The following UBE3B variants were observed in gnomAD, a reference collection of about 807,000 sequenced individuals.
The protein encoded by UBE3B is ubiquitin protein ligase E3B, also known as ubiquitin-protein ligase E3B.
UBE3B carries 80 observed loss-of-function variants against 132.3 expected under a neutral mutation model. The ratio of observed to expected loss-of-function variants is 0.60; its 90% CI spans 0.50 to 0.73. The LOEUF (loss-of-function observed/expected upper bound fraction) is 0.73. Among genes scored for constraint, UBE3B ranks in the 30% least tolerant of loss-of-function variants. UBE3B has a pLI of 0.00. For synonymous variants in UBE3B, 487 were observed against 520.4 expected (o/e 0.94, Z 0.87); for missense variants, 1,196 against 1,362.5 (o/e 0.88, Z 1.92).
chr12:109,498,282 T>A lies in UBE3B; in HGVS notation c.869T>A (p.Phe290Tyr). Residue 290 changes from phenylalanine (F) to tyrosine (Y), a missense_variant, in exon 11 of 28, where the codon TTT becomes TAT. Coordinates refer to ENST00000342494, the MANE Select transcript of UBE3B (RefSeq NM_130466.4). ...GACATGCTTCGTAAATTCATCATAT[T>A]TTTAAGAGACCAAGATCGATGCCGT... Reference protein sequence around the residue: ...SHDMLRKFIIFLRDQDRCRDV... With the variant: ...SHDMLRKFIIYLRDQDRCRDV... 2 of 1,614,166 alleles carry A rather than the reference T, an allele frequency of 1.2e-6. No individual in the cohort carries two copies. The highest frequency in any genetic ancestry group is 1.7e-6 in the Non-Finnish European group (2 of 1,180,016).
intron 24 of UBE3B, 63 bp downstream of exon 24, chr12:109,526,479 G>C: frequency 1.3e-6 from 2 of 1,500,364 alleles, no homozygotes; most frequent in Non-Finnish European, 1.9e-6. Context: ...GGCTCTCTGC[G>C]CTTATGTTGA....
intron 18 of UBE3B, among the ~76,000 whole-genome samples, chr12:109,515,736 A>G (rs1295610898): frequency 6.6e-6 from 1 of 152,236 alleles, no homozygotes; most frequent in Non-Finnish European, 1.5e-5. Flanking sequence ...TTAAAAAAAC[A>G]GCTGTGGTTA....
chr12:109,517,366 C>A (rs1028260217), intron 19 of UBE3B, among the ~76,000 whole-genome samples: 1 of 152,202 alleles, frequency 6.6e-6, no homozygotes, highest in Non-Finnish European at 1.5e-5. Flanking sequence ...CAGAAACTTA[C>A]AAGATACCAC....
At position 109,511,226 on chromosome 12, in the gene UBE3B, TTCCAAGAACTCGACAGG is replaced by T. The variant is rs1880332181; in HGVS notation, c.1880_1896del (p.Phe627Ter). ...AAGGGATCTCAAACCTAGCGTGCTCTTCCAAGAACTCGACAGGGACAGAAAACGGGCACAGTTGATCC... is the reference window on the plus strand; with the variant it reads ...AAGGGATCTCAAACCTAGCGTGCTCTGACAGAAAACGGGCACAGTTGATCC... On this transcript the variant is annotated frameshift_variant, in exon 18 of 28. Transcript: ENST00000342494. LOFTEE classifies it high-confidence loss of function. 1 of 1,614,044 alleles carries T rather than the reference TTCCAAGAACTCGACAGG, an allele frequency of 6.2e-7. No individual in the cohort carries two copies. Among genetic ancestry groups the T allele is most frequent in the African/African-American group, 1.3e-5 (1 of 74,938 alleles).
chr12:109,512,930 CT>C (rs146793757), intron 18 of UBE3B, among the ~76,000 whole-genome samples: 2 of 152,222 alleles, frequency 1.3e-5, no homozygotes, highest in Non-Finnish European at 2.9e-5. Flanking sequence ...TGTGGCTTTA[CT>C]TTTCCAAAAG....
At chr12:109,500,626 G>A (rs1292506487) in intron 12 of UBE3B, among the ~76,000 whole-genome samples, 1 of 152,224 alleles carries the variant, frequency 6.6e-6, no homozygotes, top group Non-Finnish European at 1.5e-5. Flanking sequence ...GAGGCTGTGG[G>A]AGGTAAGTGA....
intron 7 of UBE3B, among the ~76,000 whole-genome samples, chr12:109,489,370 C>A (rs1230575671): frequency 6.6e-6 from 1 of 152,178 alleles, no homozygotes; most frequent in African/African-American, 2.4e-5. Context: ...TCTAGCTTTC[C>A]TGAAGAAGTG....
In UBE3B at chr12:109,534,096, G is replaced by A. The variant is rs537255279; in HGVS notation, c.3016-495G>A. 5.2e-5 allele frequency: 67 copies of A among 1,294,774 alleles called. No individual in the cohort carries two copies. Among genetic ancestry groups the A allele is most frequent in the African/African-American group, 1.8e-4 (12 of 66,236 alleles). The allele number at this position is 1,294,774 out of a possible 1,614,324, so 80.2% of individuals were successfully genotyped here. Reference sequence around the variant, plus strand: ...TACTCCCCATAAAAACCCAGTGGCCGCCTCTGGGTGTAGCTGCCTCTCATG... The same window carrying A: ...TACTCCCCATAAAAACCCAGTGGCCACCTCTGGGTGTAGCTGCCTCTCATG... On this transcript the variant is annotated intron_variant, in intron 27 of 27. Coordinates refer to ENST00000342494, the MANE Select transcript of UBE3B (RefSeq NM_130466.4). This position sits in a 1 kb window ranked among gnomAD's most constrained non-coding sequence, Gnocchi z 5.2.
intron 18 of UBE3B, among the ~76,000 whole-genome samples, chr12:109,514,873 TG>T (rs957652296): frequency 3.3e-5 from 5 of 151,970 alleles, no homozygotes; most frequent in Non-Finnish European, 7.4e-5. Context: ...GATGCTTCAC[TG>T]AACAGTAGTT....
rs1288724615 is a variant in UBE3B, at chr12:109,499,614, C to T, written c.941-19C>T. On this transcript the variant is annotated intron_variant, in intron 11 of 27. Coordinates refer to ENST00000342494, the MANE Select transcript of UBE3B (RefSeq NM_130466.4). ...AATGTTTGTCTGGGCCCATCACACT[C>T]AGCCTTCTCTCTCTGTAGGCAACCT... The T allele has an allele frequency of 3.2e-6, 5 of 1,569,388 alleles. No individual in the cohort carries two copies. The highest frequency in any genetic ancestry group is 2.8e-5 in the African/African-American group (2 of 72,472).
chr12:109,529,197 G>T (rs1000961375), intron 24 of UBE3B, among the ~76,000 whole-genome samples: 1 of 152,098 alleles, frequency 6.6e-6, no homozygotes. Context: ...AGAAATTAGC[G>T]ATGCTAGCAA....
In UBE3B at chr12:109,533,743, T is replaced by G. The variant is rs1269597346; in HGVS notation, c.3015+185T>G. The G allele has an allele frequency of 1.2e-5, 10 of 824,304 alleles. No individual in the cohort carries two copies. In the African/African-American group the frequency reaches 1.5e-4, roughly 12 times the overall value. The allele number at this position is 824,304 out of a possible 1,614,324, so 51.1% of individuals were successfully genotyped here. A position where few individuals can be genotyped will look rare whatever the true frequency, so the allele number is the denominator to read the frequency against. On this transcript the variant is annotated intron_variant, in intron 27 of 27. Coordinates refer to ENST00000342494, the MANE Select transcript of UBE3B (RefSeq NM_130466.4). ...GAGAACCAGCCAGCCCCAGAGAGACTGCCCACGGACTCAGCCCTCTCTCGG... is the reference window on the plus strand; with the variant it reads ...GAGAACCAGCCAGCCCCAGAGAGACGGCCCACGGACTCAGCCCTCTCTCGG...
rs1042630001 is a variant in UBE3B, at chr12:109,489,842, A to G, written c.545-77A>G. Reference sequence around the variant, plus strand: ...CATTTCTTAGGGCCTCGGATGTGGGACACAATTTCCTGTCCCACATAAACA... The same window carrying G: ...CATTTCTTAGGGCCTCGGATGTGGGGCACAATTTCCTGTCCCACATAAACA... On this transcript the variant is annotated intron_variant, in intron 7 of 27. Transcript: ENST00000342494. 4.4e-6 allele frequency: 6 copies of G among 1,364,324 alleles called. No individual in the cohort carries two copies. The African/African-American group carries it at 8.6e-5, about 20-fold the overall frequency. The allele number at this position is 1,364,324 out of a possible 1,614,324, so 84.5% of individuals were successfully genotyped here.
chr12:109,496,738 T>C (rs1380104864), intron 9 of UBE3B, among the ~76,000 whole-genome samples: 1 of 152,236 alleles, frequency 6.6e-6, no homozygotes, highest in East Asian at 1.9e-4. Flanking sequence ...GGATGTTTCA[T>C]CTTTTATGAG....
chr12:109,507,787 A>G (rs1486427074), intron 15 of UBE3B, 52 bp downstream of exon 15: 3 of 1,563,482 alleles, frequency 1.9e-6, no homozygotes, highest in Non-Finnish European at 8.7e-7. Context: ...TGGAGAGACC[A>G]AAATACAGTG....
Position 109,521,176 on chromosome 12 carries a change from C to T in UBE3B, c.2105C>T (p.Ser702Phe), listed in dbSNP as rs1476397983. Residue 702 changes from serine (S) to phenylalanine (F), a missense_variant, in exon 20 of 28, where the codon TCC becomes TTC. By Grantham distance (155) the Ser-to-Phe change is radical (BLOSUM62 -2). Coordinates refer to ENST00000342494, the MANE Select transcript of UBE3B (RefSeq NM_130466.4). The surrounding 1 kb of genome is among the most constrained non-coding windows in gnomAD (Gnocchi z 4.2). ...EDGYEQLRQL[S>F]QHAMKGVIRV... ...GGCTACGAGCAGCTTAGGCAGCTCTCCCAGCACGCCATGAAGGGGGTCATC... is the reference window on the plus strand; with the variant it reads ...GGCTACGAGCAGCTTAGGCAGCTCTTCCAGCACGCCATGAAGGGGGTCATC... 2 of 1,614,188 alleles carry T rather than the reference C, an allele frequency of 1.2e-6. No individual in the cohort carries two copies. The highest frequency in any genetic ancestry group is 1.7e-5 in the Admixed American group (1 of 60,022).
chr12:109,483,495 CAAT>C, intron 2 of UBE3B, 33 bp from the exon 3 acceptor site: 2 of 1,511,208 alleles, frequency 1.3e-6, no homozygotes, highest in Non-Finnish European at 1.8e-6. Flanking sequence ...TTTCACACAA[CAAT>C]CTACAACACC....
rs371629430 is a variant in UBE3B, at chr12:109,508,938, A to G, written c.1623-658A>G. ...CTCAGTAAACATCGACTCTCAGTCA[A>G]TGTTCCTTGATATGCAGACATGAAT... On this transcript the variant is annotated intron_variant, in intron 15 of 27. Transcript: ENST00000342494. The G allele has an allele frequency of 1.3e-4, 22 of 174,774 alleles. No individual in the cohort carries two copies. The South Asian group carries it at 3.4e-3, about 27-fold the overall frequency. 10.8% of individuals were successfully genotyped at this position (174,774 alleles called of 1,614,324 possible).
rs957449529 is a variant in UBE3B at position 109,508,557 on chromosome 12, G to T, written c.1622+822G>T. ...TTGGTGAAGAATTATAAGATACAAT[G>T]GACCTCAGGCAGTTATGTTCAGGCT... On this transcript the variant is annotated intron_variant, in intron 15 of 27. Coordinates refer to ENST00000342494, the MANE Select transcript of UBE3B (RefSeq NM_130466.4). The T allele has an allele frequency of 3.0e-6, 3 of 985,376 alleles. No individual in the cohort carries two copies. The African/African-American group carries it at 5.2e-5, about 17-fold the overall frequency. The allele number at this position is 985,376 out of a possible 1,614,324, so 61.0% of individuals were successfully genotyped here. A position where few individuals can be genotyped will look rare whatever the true frequency, so the allele number is the denominator to read the frequency against.
Sources: allele counts gnomAD v4.1 joint callset (sites outside exome capture counted in the v4.1 genomes callset), GRCh38; gene constraint gnomAD v4.1.1; non-coding constraint Gnocchi (gnomAD v3.1); transcripts MANE v1.5; gene names NCBI Gene and HGNC (gene_info 2026-07-23, HGNC 2026-07-21).